Variants in DACH1 observed in about 807,000 individuals in gnomAD.
The protein encoded by DACH1 is dachshund family transcription factor 1, also known as dachshund homolog 1.
Under a neutral mutation model 54.2 loss-of-function variants are expected in DACH1, and 12 were observed. That is an observed-to-expected ratio of 0.22 (90% confidence interval 0.14 to 0.36). The LOEUF is 0.36. Ranked by LOEUF, DACH1 falls within the 10% of genes least tolerant of loss-of-function variation. DACH1 has a pLI of 1.00. For missense variants in DACH1, 805 were observed against 929.8 expected, an observed-to-expected ratio of 0.87 and a Z score of 1.75; for synonymous variants, 386 against 366.2, an observed-to-expected ratio of 1.05 and a Z score of -0.62.
intron 2 of DACH1, among the ~76,000 whole-genome samples, chr13:71,634,429 A>G (rs2138579511): frequency 6.6e-6 from 1 of 152,188 alleles, no homozygotes; most frequent in East Asian, 1.9e-4. Context: ...CCAGGTACAT[A>G]GGCCTTCTTT....
intron 1 of DACH1, among the ~76,000 whole-genome samples, chr13:71,765,653 G>A (rs1219896230): frequency 3.3e-5 from 5 of 152,102 alleles, no homozygotes; most frequent in East Asian, 1.9e-4. Flanking sequence ...TAATAATGAT[G>A]GTTATCATAG....
chr13:71,492,453 T>A (rs1366092756), intron 6 of DACH1, among the ~76,000 whole-genome samples: 1 of 151,948 alleles, frequency 6.6e-6, no homozygotes, highest in Non-Finnish European at 1.5e-5. Context: ...TGTTAGAATG[T>A]TTCACCTACA....
intron 10 of DACH1, among the ~76,000 whole-genome samples, chr13:71,473,601 T>G (rs1877270288): frequency 6.6e-6 from 1 of 152,184 alleles, no homozygotes; most frequent in African/African-American, 2.4e-5. Context: ...GCATACATAT[T>G]ATATCATCAA....
intron 4 of DACH1, among the ~76,000 whole-genome samples, chr13:71,571,345 A>G (rs1268879806): frequency 9.9e-5 from 15 of 152,192 alleles, no homozygotes; most frequent in Admixed American, 9.8e-4. Flanking sequence ...CCTCTTCTAG[A>G]TAACTTTAAT....
intron 1 of DACH1, among the ~76,000 whole-genome samples, chr13:71,819,448 T>G (rs1243871101): frequency 6.6e-6 from 1 of 152,196 alleles, no homozygotes; most frequent in African/African-American, 2.4e-5. Context: ...TAATAGAGTG[T>G]CATTGGAGCC....
chr13:71,696,040 C>T (rs1214096633), intron 1 of DACH1, among the ~76,000 whole-genome samples: 4 of 151,974 alleles, frequency 2.6e-5, no homozygotes, highest in Non-Finnish European at 5.9e-5. Flanking sequence ...CTGTAATTAT[C>T]AAGATAGGGA....
intron 7 of DACH1, among the ~76,000 whole-genome samples, chr13:71,486,809 T>A (rs202063851): frequency 0.097 from 945 of 9,698 alleles, 11 homozygotes; most frequent in East Asian, 0.4. Flanking sequence ...TTTATTTATT[T>A]ATTTATCTAT....
chr13:71,588,014 T>C (rs1369303584), intron 3 of DACH1, among the ~76,000 whole-genome samples: 1 of 152,152 alleles, frequency 6.6e-6, no homozygotes, highest in Admixed American at 6.5e-5. Flanking sequence ...GAATGTGGAA[T>C]ACATGTGACA....
intron 3 of DACH1, among the ~76,000 whole-genome samples, chr13:71,574,577 T>C (rs1448543487): frequency 6.6e-6 from 1 of 152,052 alleles, no homozygotes; most frequent in Non-Finnish European, 1.5e-5. Context: ...TCCATTTACT[T>C]CATGAAGACA....
chr13:71,756,565 T>C (rs1165115273), intron 1 of DACH1, among the ~76,000 whole-genome samples: 1 of 151,418 alleles, frequency 6.6e-6, no homozygotes, highest in African/African-American at 2.4e-5. Context: ...CTGTGTTGAG[T>C]GGCAGCTATG....
At chr13:71,528,672 C>T (rs981383121) in intron 6 of DACH1, among the ~76,000 whole-genome samples, 2 of 151,852 alleles carry the variant, frequency 1.3e-5, no homozygotes, top group Admixed American at 6.6e-5. Context: ...CCTCGTGATC[C>T]ACCGGGCCGG....
At chr13:71,540,366 C>G (rs974614166) in intron 6 of DACH1, among the ~76,000 whole-genome samples, 1 of 151,982 alleles carries the variant, frequency 6.6e-6, no homozygotes, top group African/African-American at 2.4e-5. Context: ...CTTAGCTGAC[C>G]ACAGCAAATT....
chr13:71,716,253 A>G (rs1038032374), intron 1 of DACH1, among the ~76,000 whole-genome samples: 6 of 152,018 alleles, frequency 3.9e-5, no homozygotes, highest in African/African-American at 1.4e-4. Context: ...GCCTTCTCTC[A>G]GGTCCTCCTG....
intron 2 of DACH1, among the ~76,000 whole-genome samples, chr13:71,631,716 C>G (rs1028845429): frequency 6.6e-6 from 1 of 152,164 alleles, no homozygotes; most frequent in Admixed American, 6.6e-5. Context: ...GGAGTTGACA[C>G]TTTGAACCAC....
intron 1 of DACH1, among the ~76,000 whole-genome samples, chr13:71,860,984 A>G (rs972091742): frequency 6.6e-6 from 1 of 151,986 alleles, no homozygotes; most frequent in African/African-American, 2.4e-5. Flanking sequence ...GCCAAAGACA[A>G]GAGTGATTTA....
rs778434084 is a variant in DACH1, at chr13:71,559,890, G to T, written c.1365C>A (p.His455Gln). 1 of 1,611,712 alleles carries T rather than the reference G, an allele frequency of 6.2e-7. No homozygotes were observed. Among genetic ancestry groups the T allele is most frequent in the Non-Finnish European group, 8.5e-7 (1 of 1,179,016 alleles). ...CGCTGCTGCTGCGATGTGATGATGG[G>T]TGACTGCCAGGCCTTCTCCCCTCCT... The part of the protein sequence containing the change: ...SLEEGRRPGS[H>Q]PSSHRSSSVS... Residue 455 changes from histidine to glutamine, a missense_variant, in exon 5 of 11, where the codon CAC becomes CAA. Transcript: ENST00000613252.
chr13:71,692,940 A>T (rs562721660), intron 1 of DACH1, among the ~76,000 whole-genome samples: 1 of 152,206 alleles, frequency 6.6e-6, no homozygotes, highest in Non-Finnish European at 1.5e-5. Flanking sequence ...ATCAAAAATG[A>T]ATCCATCTCC....
rs1488253713 is a variant in DACH1 at position 71,600,328 on chromosome 13, C to T, written c.1127-27316G>A. Among the ~76,000 whole-genome samples the T allele has an allele frequency of 2.0e-5, 3 of 152,032 alleles. No homozygotes were observed. In the East Asian group the frequency reaches 5.8e-4, roughly 29 times the overall value. ...CAGAAATAATGGCCACATAAGTAAG[C>T]CACTACTACTGGCTGGACTAAAACT... On this transcript the variant is annotated intron_variant, in intron 3 of 10. Coordinates refer to ENST00000613252, the MANE Select transcript of DACH1 (RefSeq NM_080759.6).
At chr13:71,528,524 T>C (rs1882174480) in intron 6 of DACH1, among the ~76,000 whole-genome samples, 1 of 141,862 alleles carries the variant, frequency 7.0e-6, no homozygotes, top group South Asian at 2.3e-4. Flanking sequence ...GCCTCCCGGG[T>C]TCACGCCATT....
Sources: allele counts gnomAD v4.1 joint callset (sites outside exome capture counted in the v4.1 genomes callset), GRCh38; gene constraint gnomAD v4.1.1; transcripts MANE v1.5; gene names NCBI Gene and HGNC (gene_info 2026-07-23, HGNC 2026-07-21).